Variants in GRIK4 observed in about 807,000 individuals in gnomAD.
The protein encoded by GRIK4 is glutamate ionotropic receptor kainate type subunit 4.
GRIK4 carries 40 observed loss-of-function variants against 104.9 expected under a neutral mutation model. The ratio of observed to expected loss-of-function variants is 0.38; its 90% CI spans 0.30 to 0.50. The LOEUF (loss-of-function observed/expected upper bound fraction) is 0.50. Ranked by LOEUF, GRIK4 falls within the 20% of genes least tolerant of loss-of-function variation. The pLI is 0.93. For missense variants in GRIK4, 1,047 were observed against 1,308.1 expected, an observed-to-expected ratio of 0.80 and a Z score of 3.08; for synonymous variants, 485 against 524.9, an observed-to-expected ratio of 0.92 and a Z score of 1.04.
At chr11:120,638,796 G>A (rs186768273) in intron 1 of GRIK4, among the ~76,000 whole-genome samples, 556 of 152,102 alleles carry the variant, frequency 3.7e-3, no homozygotes, top group Middle Eastern at 6.8e-3. Flanking sequence ...CTTCTAAAGC[G>A]GCACGGTGAG....
intron 15 of GRIK4, among the ~76,000 whole-genome samples, chr11:120,954,389 C>T (rs931882101): frequency 7.2e-5 from 11 of 151,800 alleles, no homozygotes; most frequent in South Asian, 2.1e-4. Context: ...CTGTCAGTGA[C>T]GGCCTGCGAG....
chr11:120,933,349 G>T (rs546037671), intron 13 of GRIK4, among the ~76,000 whole-genome samples: 2 of 152,332 alleles, frequency 1.3e-5, no homozygotes, highest in African/African-American at 4.8e-5. Context: ...AAGTTCAGCA[G>T]CAGCATCATT....
intron 3 of GRIK4, among the ~76,000 whole-genome samples, chr11:120,748,623 CA>C (rs1951489974): frequency 6.6e-6 from 1 of 152,160 alleles, no homozygotes; most frequent in African/African-American, 2.4e-5. Flanking sequence ...CTGACTCTGG[CA>C]TTTGCACTTG....
chr11:120,669,099 C>T (rs1193189807), intron 3 of GRIK4, among the ~76,000 whole-genome samples: 8 of 152,224 alleles, frequency 5.3e-5, no homozygotes, highest in Admixed American at 1.3e-4. Flanking sequence ...TCACCTTGTT[C>T]TGGGAGATGA....
At chr11:120,621,125 C>G (rs1038499662) in intron 1 of GRIK4, among the ~76,000 whole-genome samples, 1 of 152,182 alleles carries the variant, frequency 6.6e-6, no homozygotes, top group African/African-American at 2.4e-5. Flanking sequence ...ACCCCAAGCT[C>G]AAAGCCTCTG....
intron 15 of GRIK4, among the ~76,000 whole-genome samples, chr11:120,955,222 C>T (rs991858808): frequency 2.6e-5 from 4 of 152,160 alleles, no homozygotes; most frequent in Admixed American, 6.5e-5. Flanking sequence ...ACCAATGGTC[C>T]GTAGGCTTGG....
chr11:120,539,166 C>T (rs1948007530), intron 1 of GRIK4, among the ~76,000 whole-genome samples: 1 of 152,136 alleles, frequency 6.6e-6, no homozygotes, highest in African/African-American at 2.4e-5. Context: ...CAGCTTGCTC[C>T]CTGTGGGAGG....
rs903738717 is a variant in GRIK4 at position 120,614,834 on chromosome 11, C to A, written c.-158-38851C>A. 2.0e-5 allele frequency among the ~76,000 whole-genome samples: 3 copies of A among 152,032 alleles called. No individual in the cohort carries two copies. The South Asian group carries it at 6.2e-4, about 32-fold the overall frequency. ...CTAACATGGTGAAACCCCGTCTCTA[C>A]TAACAATACAAAAAATTATCCGGGT... On this transcript the variant is annotated intron_variant, in intron 1 of 20. Coordinates refer to ENST00000527524, the MANE Select transcript of GRIK4 (RefSeq NM_014619.5).
At chr11:120,673,859 G>C (rs58965576) in intron 3 of GRIK4, among the ~76,000 whole-genome samples, 2,137 of 152,278 alleles carry the variant, frequency 0.014, 50 homozygotes, top group African/African-American at 0.048. Flanking sequence ...CTGACTGTTT[G>C]CTTTTCCTTA....
intron 6 of GRIK4, 108 bp from the exon 7 acceptor site, chr11:120,831,744 C>G: frequency 1.3e-6 from 1 of 773,304 alleles, no homozygotes. Flanking sequence ...GGGCCAGACC[C>G]CCCGACCCCA....
intron 3 of GRIK4, among the ~76,000 whole-genome samples, chr11:120,755,349 A>G (rs1951633696): frequency 6.6e-6 from 1 of 152,146 alleles, no homozygotes; most frequent in South Asian, 2.1e-4. Flanking sequence ...GCTCACACCT[A>G]TAATCCCAGC....
At chr11:120,791,958 G>C (rs1952403220) in intron 3 of GRIK4, among the ~76,000 whole-genome samples, 2 of 152,154 alleles carry the variant, frequency 1.3e-5, no homozygotes, top group Admixed American at 6.5e-5. Context: ...GACAAGTTTG[G>C]CTCAAAGATT....
intron 3 of GRIK4, among the ~76,000 whole-genome samples, chr11:120,669,942 C>G (rs921541227): frequency 8.5e-5 from 13 of 152,254 alleles, no homozygotes; most frequent in African/African-American, 3.1e-4. Flanking sequence ...CTAACAGAAA[C>G]TCAGATTTGC....
At position 120,940,575 on chromosome 11, in the gene GRIK4, G is replaced by A. The variant is rs1339276291; in HGVS notation, c.1590+115G>A. ...AATATTTAGATTTCAAGACTTAAAT[G>A]CAAATGTGCTGGGCTATTTTTTCTC... On this transcript the variant is annotated intron_variant, in intron 14 of 20. Coordinates refer to ENST00000527524, the MANE Select transcript of GRIK4 (RefSeq NM_014619.5). This position sits in a 1 kb window ranked among gnomAD's most constrained non-coding sequence, Gnocchi z 4.3. 11 of 667,722 alleles carry A rather than the reference G, an allele frequency of 1.6e-5. No homozygotes were observed. Among genetic ancestry groups the A allele is most frequent in the Non-Finnish European group, 2.8e-5 (11 of 391,530 alleles). 41.4% of individuals were successfully genotyped at this position (667,722 alleles called of 1,614,324 possible).
At chr11:120,585,042 C>G (rs1047634723) in intron 1 of GRIK4, among the ~76,000 whole-genome samples, 2 of 152,094 alleles carry the variant, frequency 1.3e-5, no homozygotes, top group Non-Finnish European at 2.9e-5. Context: ...GTGTCTGTGC[C>G]AGGTTTTGGT....
chr11:120,871,622 G>C (rs1316221875), intron 9 of GRIK4: 1 of 456,434 alleles, frequency 2.2e-6, no homozygotes, highest in Non-Finnish European at 4.4e-6. Flanking sequence ...GACAGGAAGG[G>C]AGTTGGAGCA....
intron 3 of GRIK4, among the ~76,000 whole-genome samples, chr11:120,695,203 C>T (rs1950423515): frequency 6.6e-6 from 1 of 152,214 alleles, no homozygotes; most frequent in African/African-American, 2.4e-5. Flanking sequence ...TGGGCTGTTT[C>T]TTGCTGTGAG....
intron 3 of GRIK4, among the ~76,000 whole-genome samples, chr11:120,668,347 AAG>A (rs1005947368): frequency 6.6e-6 from 1 of 151,750 alleles, no homozygotes; most frequent in Non-Finnish European, 1.5e-5. Context: ...AAAAGAATGA[AAG>A]AGAGAAAGAG....
intron 1 of GRIK4, among the ~76,000 whole-genome samples, chr11:120,548,062 G>A (rs563593191): frequency 6.6e-6 from 1 of 152,316 alleles, no homozygotes; most frequent in Admixed American, 6.5e-5. Flanking sequence ...CAGCCTGCCT[G>A]AAGCCTGTGT....
Sources: gnomAD v4.1 joint callset for allele counts (sites outside exome capture counted in the v4.1 genomes callset) on GRCh38, gnomAD v4.1.1 for gene constraint, Gnocchi (gnomAD v3.1) non-coding constraint, MANE v1.5 for transcripts, NCBI Gene and HGNC (gene_info 2026-07-23, HGNC 2026-07-21) for gene names.